CREG2: variants seen among roughly 807,000 people sequenced by gnomAD.
CREG2 encodes protein CREG2.
In CREG2, 24 loss-of-function variants were observed where a neutral mutation model predicts 26.2. The observed-to-expected ratio is 0.92, with a 90% CI of 0.66 to 1.29. The LOEUF (loss-of-function observed/expected upper bound fraction) is 1.29, where lower values mean the gene tolerates loss of function less well. Among genes scored for constraint, CREG2 ranks in the 50% most tolerant of loss-of-function variants. CREG2 has a pLI of 0.00. For missense variants in CREG2, 366 were observed against 398.6 expected (o/e 0.92, Z 0.70); for synonymous variants, 174 against 169.2 (o/e 1.03, Z -0.22).
chr2:101,374,237 G>A (rs1227028763), intron 2 of CREG2, among the ~76,000 whole-genome samples: 3 of 152,204 alleles, frequency 2.0e-5, no homozygotes, highest in African/African-American at 7.2e-5. Context: ...AATTAGCCAG[G>A]CATGGTGGCG....
Position 101,350,847 on chromosome 2 carries a change from G to T in CREG2, c.*76C>A. On this transcript the variant is annotated 3_prime_UTR_variant, in exon 4 of 4. Coordinates refer to ENST00000324768, the MANE Select transcript of CREG2 (RefSeq NM_153836.4). ...TGAACCCTTCAACAAAGAGACAGTGGTCAATAGCTGTCTGGCTGCATCACT... is the reference window on the plus strand; with the variant it reads ...TGAACCCTTCAACAAAGAGACAGTGTTCAATAGCTGTCTGGCTGCATCACT... 1 of 1,461,480 alleles carries T rather than the reference G, an allele frequency of 6.8e-7. No homozygotes were observed. The highest frequency in any genetic ancestry group is 9.5e-7 in the Non-Finnish European group (1 of 1,052,768). The allele number at this position is 1,461,480 out of a possible 1,614,324, so 90.5% of individuals were successfully genotyped here. A position where few individuals can be genotyped will look rare whatever the true frequency, so the allele number is the denominator to read the frequency against.
At position 101,350,697 on chromosome 2, in the gene CREG2, A is replaced by C; in HGVS notation, c.*226T>G. 1 of 520,648 alleles carries C rather than the reference A, an allele frequency of 1.9e-6. No homozygotes were observed. Among genetic ancestry groups the C allele is most frequent in the Non-Finnish European group, 3.4e-6 (1 of 293,026 alleles). 32.3% of individuals were successfully genotyped at this position (520,648 alleles called of 1,614,324 possible). A position where few individuals can be genotyped will look rare whatever the true frequency, so the allele number is the denominator to read the frequency against. ...AGTCTGGATTGAATACAATGGAATA[A>C]AGACTATCTACGTGAAGTATCTGTG... On this transcript the variant is annotated 3_prime_UTR_variant, in exon 4 of 4. Transcript: ENST00000324768.
At chr2:101,373,113 C>A (rs1241385532) in intron 2 of CREG2, among the ~76,000 whole-genome samples, 1 of 152,158 alleles carries the variant, frequency 6.6e-6, no homozygotes, top group East Asian at 1.9e-4. Context: ...TAGGTATATA[C>A]CAAAGTGAAA....
At chr2:101,364,365 C>G (rs1684589492) in intron 2 of CREG2, among the ~76,000 whole-genome samples, 1 of 152,270 alleles carries the variant, frequency 6.6e-6, no homozygotes, top group East Asian at 1.9e-4. Context: ...CCAGCAGTAC[C>G]TCCCACCCCA....
At chr2:101,382,309 T>C (rs968873518) in intron 2 of CREG2, 4 of 173,892 alleles carry the variant, frequency 2.3e-5, no homozygotes, top group African/African-American at 7.2e-5. Flanking sequence ...TCCCAGCTAC[T>C]TGGGAGGCTG....
intron 2 of CREG2, among the ~76,000 whole-genome samples, chr2:101,380,879 G>A (rs1465454680): frequency 6.6e-6 from 1 of 152,194 alleles, no homozygotes; most frequent in African/African-American, 2.4e-5. Context: ...GGGAACTGGA[G>A]GTTGCAGTGA....
At chr2:101,354,954 G>A (rs1277568397) in intron 3 of CREG2, among the ~76,000 whole-genome samples, 2 of 151,968 alleles carry the variant, frequency 1.3e-5, no homozygotes, top group East Asian at 1.9e-4. Context: ...GCTTGAAAAC[G>A]TTGTGTTGAC....
Position 101,387,332 on chromosome 2 carries a change from G to A in CREG2, c.126C>T (p.Val42=). The A allele has an allele frequency of 6.7e-7, 1 of 1,487,072 alleles. No homozygotes were observed. Among genetic ancestry groups the A allele is most frequent in the East Asian group, 2.9e-5 (1 of 35,086 alleles). The allele number at this position is 1,487,072 out of a possible 1,614,324, so 92.1% of individuals were successfully genotyped here. Residue 42 remains valine (V), a synonymous_variant, in exon 1 of 4, where the codon GTC becomes GTT. Coordinates refer to ENST00000324768, the MANE Select transcript of CREG2 (RefSeq NM_153836.4). This position sits in a 1 kb window ranked among gnomAD's most constrained non-coding sequence, Gnocchi z 4.7. The stretch of plus-strand genomic sequence containing the variant: ...CCAGCTCCTCGTCCACCTCGTTGGT[G>A]ACGGCCCAAGACACGGAGCTCACGA... ...YVIVSSVSWA[V]TNEVDEELDS...
At position 101,351,912 on chromosome 2, in the gene CREG2, A is replaced by G. The variant is rs142778903; in HGVS notation, c.726-842T>C. Reference sequence around the variant, plus strand: ...AAAAAATTTTTTTTTTAGAGATGGAATCTTGCTCTGTTGCCCTGGCTGGAG... The same window carrying G: ...AAAAAATTTTTTTTTTAGAGATGGAGTCTTGCTCTGTTGCCCTGGCTGGAG... On this transcript the variant is annotated intron_variant, in intron 3 of 3. Transcript: ENST00000324768. Among the ~76,000 whole-genome samples, 137 of 152,222 alleles carry G rather than the reference A, an allele frequency of 9.0e-4. 1 individual carries two copies. The highest frequency in any genetic ancestry group is 3.2e-3 in the African/African-American group (132 of 41,536).
Position 101,350,825 on chromosome 2 carries a change from A to G in CREG2, c.*98T>C. 1 of 1,242,418 alleles carries G rather than the reference A, an allele frequency of 8.0e-7. No individual in the cohort carries two copies. The highest frequency in any genetic ancestry group is 1.2e-6 in the Non-Finnish European group (1 of 863,386). The allele number at this position is 1,242,418 out of a possible 1,614,324, so 77.0% of individuals were successfully genotyped here. A position where few individuals can be genotyped will look rare whatever the true frequency, so the allele number is the denominator to read the frequency against. On this transcript the variant is annotated 3_prime_UTR_variant, in exon 4 of 4. Transcript: ENST00000324768. The stretch of plus-strand genomic sequence containing the variant: ...TGCAGGGATGGCAGGGCTGCTATGA[A>G]CCCTTCAACAAAGAGACAGTGGTCA...
At chr2:101,374,554 G>GATT (rs1684759765) in intron 2 of CREG2, among the ~76,000 whole-genome samples, 1 of 152,208 alleles carries the variant, frequency 6.6e-6, no homozygotes, top group East Asian at 1.9e-4. Context: ...TTCTATAACC[G>GATT]ATTAGGTCTG....
At chr2:101,376,883 C>T (rs1244218399) in intron 2 of CREG2, among the ~76,000 whole-genome samples, 2 of 152,100 alleles carry the variant, frequency 1.3e-5, no homozygotes, top group Non-Finnish European at 2.9e-5. Flanking sequence ...GAAAACTTCC[C>T]TCTCGTCAGT....
chr2:101,374,327 A>G (rs1267821149), intron 2 of CREG2, among the ~76,000 whole-genome samples: 1 of 152,246 alleles, frequency 6.6e-6, no homozygotes, highest in Non-Finnish European at 1.5e-5. Context: ...CAGTGAGCTG[A>G]GATCGCACCA....
intron 2 of CREG2, among the ~76,000 whole-genome samples, chr2:101,369,372 C>G (rs1684668963): frequency 6.6e-6 from 1 of 152,080 alleles, no homozygotes; most frequent in African/African-American, 2.4e-5. Context: ...GCCATGCAGA[C>G]AGGGAGCCCA....
intron 2 of CREG2, among the ~76,000 whole-genome samples, chr2:101,377,916 T>C (rs1046178756): frequency 2.0e-5 from 3 of 152,222 alleles, no homozygotes; most frequent in East Asian, 1.9e-4. Context: ...GACTAATCTT[T>C]TAGTATTTTA....
chr2:101,385,459 G>T (rs1326388805), intron 1 of CREG2, among the ~76,000 whole-genome samples: 1 of 152,158 alleles, frequency 6.6e-6, no homozygotes, highest in East Asian at 1.9e-4. Flanking sequence ...GGGATTACAG[G>T]TGTGAGCCAC....
At chr2:101,368,569 C>T (rs894434915) in intron 2 of CREG2, among the ~76,000 whole-genome samples, 4 of 152,106 alleles carry the variant, frequency 2.6e-5, no homozygotes, top group Admixed American at 1.3e-4. Context: ...CGGCTTGCCA[C>T]GCAATTAGTG....
At chr2:101,368,333 C>T (rs572450894) in intron 2 of CREG2, among the ~76,000 whole-genome samples, 11 of 150,820 alleles carry the variant, frequency 7.3e-5, no homozygotes, top group South Asian at 2.1e-4. Context: ...AAAAAGAATA[C>T]GTCTGTGCTG....
At chr2:101,351,120 G>A in intron 3 of CREG2, 50 bp from the exon 4 acceptor site, 2 of 1,579,404 alleles carry the variant, frequency 1.3e-6, no homozygotes, top group Non-Finnish European at 8.6e-7. Context: ...TCAGAGAGGT[G>A]CACCCTGGGC....
Sources: allele counts gnomAD v4.1 joint callset (sites outside exome capture counted in the v4.1 genomes callset), GRCh38; gene constraint gnomAD v4.1.1; non-coding constraint Gnocchi (gnomAD v3.1); transcripts MANE v1.5; gene names NCBI Gene and HGNC (gene_info 2026-07-23, HGNC 2026-07-21).